The following PLEKHG3 variants were observed in gnomAD, a reference collection of about 807,000 sequenced individuals.
PLEKHG3 encodes pleckstrin homology domain-containing family G member 3.
PLEKHG3 carries 62 observed loss-of-function variants against 94.9 expected under a neutral mutation model. The observed-to-expected ratio is 0.65, with a 90% confidence interval of 0.53 to 0.81. PLEKHG3 has a LOEUF of 0.81. Among genes scored for constraint, PLEKHG3 ranks in the 30% least tolerant of loss-of-function variants. PLEKHG3 has a pLI of 0.00. For missense variants in PLEKHG3, 1,461 were observed against 1,619.3 expected (o/e 0.90, Z 1.68); for synonymous variants, 614 against 654.0 (o/e 0.94, Z 0.93).
At position 64,741,297 on chromosome 14, in the gene PLEKHG3, C is replaced by CCTG. The variant is rs765398538; in HGVS notation, c.1780_1781insCTG (p.Leu594delinsProVal). 1 of 1,613,808 alleles carries CCTG rather than the reference C, an allele frequency of 6.2e-7. No homozygotes were observed. Among genetic ancestry groups the CCTG allele is most frequent in the Non-Finnish European group, 8.5e-7 (1 of 1,180,022 alleles). On this transcript the variant is annotated protein_altering_variant, in exon 16 of 17. Transcript: ENST00000247226. ...TGCCGCCCAGGAGCCTGAGAGCCTT[C>CCTG]TGCCACCCTCTGTGCTGGACCAGGC...
In PLEKHG3 at chr14:64,742,172, A is replaced by G; in HGVS notation, c.2655A>G (p.Lys885=). 6.2e-7 allele frequency: 1 copy of G among 1,612,708 alleles called. No individual in the cohort carries two copies. Among genetic ancestry groups the G allele is most frequent in the Non-Finnish European group, 8.5e-7 (1 of 1,180,006 alleles). The part of the protein sequence containing the change: ...RSPAHLAREL[K]ELVKELSSST... ...CGGCCCACCTGGCCCGGGAGCTGAA[A>G]GAGCTGGTGAAGGAGCTGAGCAGCA... Residue 885 remains lysine, a synonymous_variant, in exon 16 of 17, where the codon AAA becomes AAG. Coordinates refer to ENST00000247226, the MANE Select transcript of PLEKHG3 (RefSeq NM_001308147.2).
rs952243014 is a variant in PLEKHG3 at position 64,739,227 on chromosome 14, G to A, written c.1518+372G>A. On this transcript the variant is annotated intron_variant, in intron 15 of 16. Transcript: ENST00000247226. This position sits in a 1 kb window ranked among gnomAD's most constrained non-coding sequence, Gnocchi z 4.1. ...TTGAAATCACACCTGTGGTCACCTG[G>A]GCAAAGGGTAGAGAACTGATATCTG... 2.0e-5 allele frequency among the ~76,000 whole-genome samples: 3 copies of A among 152,152 alleles called. No homozygotes were observed. Among genetic ancestry groups the A allele is most frequent in the East Asian group, 1.9e-4 (1 of 5,196 alleles).
At position 64,748,646 on chromosome 14, in the gene PLEKHG3, T is replaced by TGAA. The variant is rs1182361128; in HGVS notation, c.*4945_*4947dup. The TGAA allele has an allele frequency of 6.5e-6, 1 of 152,964 alleles. No individual in the cohort carries two copies. The highest frequency in any genetic ancestry group is 1.5e-5 in the Non-Finnish European group (1 of 68,642). The allele number at this position is 152,964 out of a possible 1,614,324, so 9.5% of individuals were successfully genotyped here. ...CAGAGAGGAGGGATGTGGTGGCCCC[T>TGAA]GAAGTGAGAGTCCCAGTTCTGCGGA... On this transcript the variant is annotated 3_prime_UTR_variant, in exon 17 of 17. Transcript: ENST00000247226.
chr14:64,720,772 G>T lies in PLEKHG3; in HGVS notation c.-39-6821G>T, dbSNP rs1274949509. Among the ~76,000 whole-genome samples, 3 of 152,206 alleles carry T rather than the reference G, an allele frequency of 2.0e-5. No individual in the cohort carries two copies. Among genetic ancestry groups the T allele is most frequent in the Non-Finnish European group, 2.9e-5 (2 of 68,040 alleles). Reference sequence around the variant, plus strand: ...GGAGGTAAGAAGTCAGACTGGGTTTGCATGGCTGGGTTCCTTCTGCAGGAT... The same window carrying T: ...GGAGGTAAGAAGTCAGACTGGGTTTTCATGGCTGGGTTCCTTCTGCAGGAT... On this transcript the variant is annotated intron_variant, in intron 1 of 16. Coordinates refer to ENST00000247226, the MANE Select transcript of PLEKHG3 (RefSeq NM_001308147.2). The surrounding 1 kb of genome is among the most constrained non-coding windows in gnomAD (Gnocchi z 4.1).
rs2081169647 is a variant in PLEKHG3, at chr14:64,716,728, T to C, written c.-39-10865T>C. Reference sequence around the variant, plus strand: ...CCCGACCCTGGCACCCACCACTTCATAGTTCAGAGCAGCAGGAGTGTGGAG... The same window carrying C: ...CCCGACCCTGGCACCCACCACTTCACAGTTCAGAGCAGCAGGAGTGTGGAG... On this transcript the variant is annotated intron_variant, in intron 1 of 16. Coordinates refer to ENST00000247226, the MANE Select transcript of PLEKHG3 (RefSeq NM_001308147.2). This position sits in a 1 kb window ranked among gnomAD's most constrained non-coding sequence, Gnocchi z 5.0. 6.6e-6 allele frequency among the ~76,000 whole-genome samples: 1 copy of C among 152,106 alleles called. No homozygotes were observed. Among genetic ancestry groups the C allele is most frequent in the Admixed American group, 6.5e-5 (1 of 15,286 alleles).
rs2081409815 is a variant in PLEKHG3, at chr14:64,729,173, C to T, written c.449+80C>T. 1.1e-5 allele frequency: 7 copies of T among 641,368 alleles called. No homozygotes were observed. The Admixed American group carries it at 1.2e-4, about 11-fold the overall frequency. 39.7% of individuals were successfully genotyped at this position (641,368 alleles called of 1,614,324 possible). On this transcript the variant is annotated intron_variant, in intron 3 of 16. Transcript: ENST00000247226. The stretch of plus-strand genomic sequence containing the variant: ...GCCTAGGGAGGAACCCTGGATGTCC[C>T]TGGTCTCATGGGCCTGTGACATGTG...
At position 64,730,779 on chromosome 14, in the gene PLEKHG3, G is replaced by C; in HGVS notation, c.567-20G>C. ...TCCAGGCCTTCCCCAGGTGGTGACT[G>C]GCCCTTCTCCCACTCCCAGCTCCGT... On this transcript the variant is annotated intron_variant, in intron 5 of 16. Transcript: ENST00000247226. The surrounding 1 kb of genome is among the most constrained non-coding windows in gnomAD (Gnocchi z 5.4). 4.3e-6 allele frequency: 7 copies of C among 1,612,358 alleles called. No individual in the cohort carries two copies. Among genetic ancestry groups the C allele is most frequent in the Non-Finnish European group, 5.9e-6 (7 of 1,178,710 alleles).
chr14:64,716,699 G>A lies in PLEKHG3; in HGVS notation c.-39-10894G>A, dbSNP rs112185023. 6.6e-6 allele frequency among the ~76,000 whole-genome samples: 1 copy of A among 152,132 alleles called. No individual in the cohort carries two copies. The highest frequency in any genetic ancestry group is 2.4e-5 in the African/African-American group (1 of 41,432). ...CCCTGTCTCCTCCCTGGTGGGCAGC[G>A]GACCCCGACCCTGGCACCCACCACT... On this transcript the variant is annotated intron_variant, in intron 1 of 16. Coordinates refer to ENST00000247226, the MANE Select transcript of PLEKHG3 (RefSeq NM_001308147.2). The surrounding 1 kb of genome is among the most constrained non-coding windows in gnomAD (Gnocchi z 5.0).
chr14:64,738,153 A>C lies in PLEKHG3; in HGVS notation c.1405-589A>C. On this transcript the variant is annotated intron_variant, in intron 14 of 16. Coordinates refer to ENST00000247226, the MANE Select transcript of PLEKHG3 (RefSeq NM_001308147.2). This position sits in a 1 kb window ranked among gnomAD's most constrained non-coding sequence, Gnocchi z 4.8. ...GGCGGAGCAGGTAGCCGACTTTGCC[A>C]GCTCCCTGCTGGCCGCCCTCCACTG... 7.7e-7 allele frequency: 1 copy of C among 1,295,228 alleles called. No homozygotes were observed. The highest frequency in any genetic ancestry group is 1.0e-6 in the Non-Finnish European group (1 of 992,300). The allele number at this position is 1,295,228 out of a possible 1,614,324, so 80.2% of individuals were successfully genotyped here. A position where few individuals can be genotyped will look rare whatever the true frequency, so the allele number is the denominator to read the frequency against.
rs1177883524 is a variant in PLEKHG3 at position 64,747,969 on chromosome 14, G to A, written c.*4266G>A. The A allele has an allele frequency of 6.6e-6, 1 of 152,156 alleles. No homozygotes were observed. Among genetic ancestry groups the A allele is most frequent in the Non-Finnish European group, 1.5e-5 (1 of 68,076 alleles). The allele number at this position is 152,156 out of a possible 1,614,324, so 9.4% of individuals were successfully genotyped here. ...AGCAGCAAGGGGAAGGCCATTCCTG[G>A]GGACGTTGGTTGCAGAGCTTCTGGT... On this transcript the variant is annotated 3_prime_UTR_variant, in exon 17 of 17. Transcript: ENST00000247226.
intron 12 of PLEKHG3, among the ~76,000 whole-genome samples, chr14:64,735,454 T>A (rs2081551650): frequency 6.6e-6 from 1 of 151,792 alleles, no homozygotes; most frequent in South Asian, 2.1e-4. Context: ...TCTACAAAAT[T>A]AAAAAGTTAG....
At chr14:64,711,956 A>C (rs936839126) in intron 1 of PLEKHG3, among the ~76,000 whole-genome samples, 2 of 152,110 alleles carry the variant, frequency 1.3e-5, no homozygotes, top group African/African-American at 2.4e-5. Flanking sequence ...TTCTTCTAAG[A>C]GTTTGATAGT....
rs1396830932 is a variant in PLEKHG3 at position 64,745,568 on chromosome 14, TC to T, written c.*1867del. On this transcript the variant is annotated 3_prime_UTR_variant, in exon 17 of 17. Coordinates refer to ENST00000247226, the MANE Select transcript of PLEKHG3 (RefSeq NM_001308147.2). This position sits in a 1 kb window ranked among gnomAD's most constrained non-coding sequence, Gnocchi z 5.0. ...CTCCGCCTCCCTGACCCTCACACTGTCCAGTGCCCTTGTGGTTACTCAGCAT... is the reference window on the plus strand; with the variant it reads ...CTCCGCCTCCCTGACCCTCACACTGTCAGTGCCCTTGTGGTTACTCAGCAT... 1 of 152,334 alleles carries T rather than the reference TC, an allele frequency of 6.6e-6. No homozygotes were observed. Among genetic ancestry groups the T allele is most frequent in the Non-Finnish European group, 1.5e-5 (1 of 68,102 alleles). The allele number at this position is 152,334 out of a possible 1,614,324, so 9.4% of individuals were successfully genotyped here.
In PLEKHG3 at chr14:64,730,198, T is replaced by A; in HGVS notation, c.450-45T>A. The A allele has an allele frequency of 9.3e-7, 1 of 1,075,266 alleles. No homozygotes were observed. Among genetic ancestry groups the A allele is most frequent in the Non-Finnish European group, 1.4e-6 (1 of 726,040 alleles). The allele number at this position is 1,075,266 out of a possible 1,614,324, so 66.6% of individuals were successfully genotyped here. A position where few individuals can be genotyped will look rare whatever the true frequency, so the allele number is the denominator to read the frequency against. On this transcript the variant is annotated intron_variant, in intron 3 of 16. Coordinates refer to ENST00000247226, the MANE Select transcript of PLEKHG3 (RefSeq NM_001308147.2). The surrounding 1 kb of genome is among the most constrained non-coding windows in gnomAD (Gnocchi z 5.4). ...GGGGAGGGGGCAGTGAGGGGCATTG[T>A]CCTCTGACTGCAGAGGGTACAGTGG...
intron 1 of PLEKHG3, among the ~76,000 whole-genome samples, chr14:64,712,357 A>C (rs555737483): frequency 2.5e-4 from 36 of 146,916 alleles, no homozygotes; most frequent in Admixed American, 6.0e-4. Context: ...CAATATCTGC[A>C]AAAAAAAAAT....
In PLEKHG3 at chr14:64,743,327, T is replaced by C. The variant is rs1279676753; in HGVS notation, c.3284T>C (p.Val1095Ala). 6.2e-7 allele frequency: 1 copy of C among 1,607,264 alleles called. No individual in the cohort carries two copies. The highest frequency in any genetic ancestry group is 1.1e-5 in the South Asian group (1 of 90,810). The change falls in exon 17 of 17, where the codon GTG (valine) becomes GCG (alanine). Residue 1095 changes from valine to alanine, a missense_variant. Physicochemically the swap from Val to Ala is moderately conservative, Grantham distance 64 (BLOSUM62 0). Transcript: ENST00000247226. The surrounding 1 kb of genome is among the most constrained non-coding windows in gnomAD (Gnocchi z 7.2). ...NMVEPPLSGR[V>A]GRCRSLSTKR... ...GTAGAGCCACCTCTGTCGGGCAGGG[T>C]GGGCCGCTGCCGCAGCCTGAGCACC...
At chr14:64,734,635 A>T (rs1183615723) in intron 12 of PLEKHG3, among the ~76,000 whole-genome samples, 1 of 152,210 alleles carries the variant, frequency 6.6e-6, no homozygotes, top group Non-Finnish European at 1.5e-5. Context: ...TTAGCCTGTA[A>T]ATACTAAGAG....
At position 64,718,238 on chromosome 14, in the gene PLEKHG3, TAC is replaced by T. The variant is rs1379527781; in HGVS notation, c.-39-9354_-39-9353del. Among the ~76,000 whole-genome samples, 2 of 152,232 alleles carry T rather than the reference TAC, an allele frequency of 1.3e-5. No homozygotes were observed. The highest frequency in any genetic ancestry group is 2.9e-5 in the Non-Finnish European group (2 of 68,044). On this transcript the variant is annotated intron_variant, in intron 1 of 16. Coordinates refer to ENST00000247226, the MANE Select transcript of PLEKHG3 (RefSeq NM_001308147.2). The surrounding 1 kb of genome is among the most constrained non-coding windows in gnomAD (Gnocchi z 5.0). ...AGGACTCAAGGCATTGTTTTGTGAA[TAC>T]TCTGTTTATATGGCCATTTTTCCTT...
intron 1 of PLEKHG3, among the ~76,000 whole-genome samples, chr14:64,705,554 C>T (rs1159359125): frequency 6.6e-6 from 1 of 152,090 alleles, no homozygotes; most frequent in Non-Finnish European, 1.5e-5. Context: ...TCTGGGGGCC[C>T]CAGCAGGAGA....
Sources: allele counts gnomAD v4.1 joint callset (sites outside exome capture counted in the v4.1 genomes callset), GRCh38; gene constraint gnomAD v4.1.1; non-coding constraint Gnocchi (gnomAD v3.1); transcripts MANE v1.5; gene names NCBI Gene and HGNC (gene_info 2026-07-23, HGNC 2026-07-21).